Variants in DMD observed in about 807,000 individuals in gnomAD.
The protein encoded by DMD is dystrophin.
DMD carries 63 observed loss-of-function variants against 330.1 expected under a neutral mutation model. The ratio of observed to expected loss-of-function variants is 0.19; its 90% CI spans 0.16 to 0.24. The LOEUF is 0.24. DMD is among the 10% of genes least tolerant of loss of function. The probability of loss-of-function intolerance (pLI) is 1.00; values close to 1 mark genes in which losing one functional copy is unlikely to be tolerated. For synonymous variants in DMD, 1,223 were observed against 959.8 expected (o/e 1.27, Z -5.07); for missense variants, 3,344 against 2,684.1 (o/e 1.25, Z -5.43).
chrX:32,608,908 G>A lies in DMD; in HGVS notation c.1482+5395C>T, dbSNP rs147742852. Reference sequence around the variant, plus strand: ...ACTTCATAGCAGAAACAAACAACATGTAATTTTAACCTTGCTAAATATGAG... The same window carrying A: ...ACTTCATAGCAGAAACAAACAACATATAATTTTAACCTTGCTAAATATGAG... On this transcript the variant is annotated intron_variant, in intron 12 of 78. Coordinates refer to ENST00000357033, the MANE Select transcript of DMD (RefSeq NM_004006.3). 5.2e-3 allele frequency among the ~76,000 whole-genome samples: 579 copies of A among 110,841 alleles called. 3 individuals are homozygous for A. Among genetic ancestry groups the A allele is most frequent in the African/African-American group, 0.018 (552 of 30,734 alleles).
At chrX:33,312,379 C>T (rs1179936161) in intron 1 of DMD, among the ~76,000 whole-genome samples, 1 of 111,064 alleles carries the variant, frequency 9.0e-6, no homozygotes, top group Non-Finnish European at 1.9e-5. Context: ...AGTACTGGAA[C>T]CAATACCACG....
intron 54 of DMD, among the ~76,000 whole-genome samples, chrX:31,634,953 A>G (rs1031694244): frequency 1.8e-5 from 2 of 111,736 alleles, no homozygotes; most frequent in Non-Finnish European, 3.8e-5. Context: ...GAATTTTTAA[A>G]GAGATTGATA....
intron 44 of DMD, among the ~76,000 whole-genome samples, chrX:31,991,608 T>TA (rs2095551117): frequency 9.2e-6 from 1 of 108,960 alleles, no homozygotes; most frequent in African/African-American, 3.4e-5. Context: ...GGAACAGAGA[T>TA]AAAAAACAGG....
At chrX:32,815,361 G>C (rs888871547) in intron 6 of DMD, among the ~76,000 whole-genome samples, 6 of 106,558 alleles carry the variant, frequency 5.6e-5, no homozygotes, top group African/African-American at 2.1e-4. Context: ...AATTAGGCAA[G>C]ATGCAGTCCA....
chrX:31,907,101 A>G (rs1419554337), intron 47 of DMD, among the ~76,000 whole-genome samples: 1 of 112,216 alleles, frequency 8.9e-6, no homozygotes, highest in Admixed American at 9.5e-5. Context: ...CTGAGTACTG[A>G]AGCCAACTGT....
At chrX:32,369,479 T>C (rs2097865173) in intron 34 of DMD, among the ~76,000 whole-genome samples, 1 of 111,615 alleles carries the variant, frequency 9.0e-6, no homozygotes, top group East Asian at 2.8e-4. Flanking sequence ...ACCTTCTCCA[T>C]TGGTCTCTGC....
At chrX:32,706,016 C>CAT (rs2064598608) in intron 7 of DMD, among the ~76,000 whole-genome samples, 1 of 108,819 alleles carries the variant, frequency 9.2e-6, no homozygotes, top group African/African-American at 3.4e-5. Context: ...GAAAATGTGG[C>CAT]ATATATGCAC....
In DMD at chrX:32,730,879, G is replaced by T. The variant is rs920074379; in HGVS notation, c.650-31586C>A. Among the ~76,000 whole-genome samples, 3 of 111,790 alleles carry T rather than the reference G, an allele frequency of 2.7e-5. No individual in the cohort carries two copies. The Admixed American group carries it at 2.8e-4, about 11-fold the overall frequency. ...TGGGAAAATTAAAACTTGAAATATTGGATCAGAAATCTGATTTGAGAGGAG... is the reference window on the plus strand; with the variant it reads ...TGGGAAAATTAAAACTTGAAATATTTGATCAGAAATCTGATTTGAGAGGAG... On this transcript the variant is annotated intron_variant, in intron 7 of 78. Coordinates refer to ENST00000357033, the MANE Select transcript of DMD (RefSeq NM_004006.3).
intron 44 of DMD, among the ~76,000 whole-genome samples, chrX:32,090,490 C>T (rs1228270813): frequency 4.5e-5 from 5 of 111,441 alleles, no homozygotes; most frequent in Non-Finnish European, 9.4e-5. Context: ...CTTACAGCTA[C>T]TAGAGTGGTC....
intron 1 of DMD, among the ~76,000 whole-genome samples, chrX:33,205,451 C>T (rs1441776720): frequency 8.9e-6 from 1 of 112,276 alleles, no homozygotes; most frequent in African/African-American, 3.2e-5. Context: ...TAACAGTGTA[C>T]TGACTCCCTT....
At chrX:32,750,648 G>T (rs2070691694) in intron 7 of DMD, among the ~76,000 whole-genome samples, 1 of 110,434 alleles carries the variant, frequency 9.1e-6, no homozygotes, top group South Asian at 3.9e-4. Flanking sequence ...ACAGTTAAAG[G>T]CCTGAAAGCC....
intron 54 of DMD, among the ~76,000 whole-genome samples, chrX:31,635,844 G>GA (rs764146975): frequency 1.8e-5 from 2 of 111,548 alleles, no homozygotes; most frequent in East Asian, 2.8e-4. Flanking sequence ...ACAAGCATAT[G>GA]AAAAAAAGCT....
intron 60 of DMD, among the ~76,000 whole-genome samples, chrX:31,381,474 A>G (rs866064657): frequency 3.6e-5 from 4 of 111,480 alleles, no homozygotes; most frequent in African/African-American, 1.3e-4. Flanking sequence ...CACCTGACGC[A>G]TATGCTTTCT....
Position 32,865,500 on chromosome X carries a change from T to C in DMD, c.94-15680A>G, listed in dbSNP as rs140190344. Among the ~76,000 whole-genome samples the C allele has an allele frequency of 9.4e-3, 1,044 of 111,081 alleles. 14 individuals are homozygous for C. Among genetic ancestry groups the C allele is most frequent in the African/African-American group, 0.032 (976 of 30,571 alleles). On this transcript the variant is annotated intron_variant, in intron 2 of 78. Coordinates refer to ENST00000357033, the MANE Select transcript of DMD (RefSeq NM_004006.3). ...TTCACATGCTAAGGATCAGATGAAA[T>C]AGACGCACTGTTCAAGGAACTATAA... is the stretch of plus-strand genomic sequence containing the variant.
intron 67 of DMD, among the ~76,000 whole-genome samples, chrX:31,183,812 T>G (rs181898264): frequency 1.9e-3 from 212 of 111,001 alleles, no homozygotes; most frequent in African/African-American, 6.6e-3. Flanking sequence ...GAATTTCCTT[T>G]AGCTGTTGGT....
intron 42 of DMD, among the ~76,000 whole-genome samples, chrX:32,299,464 A>G (rs1222200545): frequency 9.1e-6 from 1 of 110,174 alleles, no homozygotes; most frequent in Admixed American, 9.7e-5. Context: ...GTGAATAACA[A>G]AGTGAAGGAT....
intron 61 of DMD, among the ~76,000 whole-genome samples, chrX:31,346,239 T>C (rs181464558): frequency 3.2e-3 from 357 of 111,689 alleles, no homozygotes; most frequent in African/African-American, 0.011. Context: ...ATCTACTAGC[T>C]GTATGAATGT....
At chrX:32,604,835 C>A (rs1421013081) in intron 12 of DMD, among the ~76,000 whole-genome samples, 1 of 107,372 alleles carries the variant, frequency 9.3e-6, no homozygotes, top group Non-Finnish European at 1.9e-5. Context: ...CCTAGGAATG[C>A]CTTTAAACAA....
chrX:31,481,741 C>CA (rs1189603847), intron 57 of DMD, among the ~76,000 whole-genome samples: 2 of 111,702 alleles, frequency 1.8e-5, no homozygotes, highest in Non-Finnish European at 3.8e-5. Flanking sequence ...GGTTATAGCT[C>CA]AGGGTAGGTT....
Sources: gnomAD v4.1 joint callset for allele counts (sites outside exome capture counted in the v4.1 genomes callset) on GRCh38, gnomAD v4.1.1 for gene constraint, MANE v1.5 for transcripts, NCBI Gene and HGNC (gene_info 2026-07-23, HGNC 2026-07-21) for gene names.